Variants in STAT5B observed in about 807,000 individuals in gnomAD.
STAT5B encodes the protein transcription factor STAT5B.
In STAT5B, 21 loss-of-function variants were observed where a neutral mutation model predicts 107.8. That is an observed-to-expected ratio of 0.19 (90% CI 0.14 to 0.28). The LOEUF (loss-of-function observed/expected upper bound fraction) is 0.28, where lower values mean the gene tolerates loss of function less well. Among genes scored for constraint, STAT5B ranks in the 10% least tolerant of loss-of-function variants. STAT5B has a pLI of 1.00. For synonymous variants in STAT5B, 325 were observed against 401.7 expected, an observed-to-expected ratio of 0.81 and a Z score of 2.28; for missense variants, 565 against 1,008.2, an observed-to-expected ratio of 0.56 and a Z score of 5.95.
intron 5 of STAT5B, among the ~76,000 whole-genome samples, 195 bp downstream of exon 5, chr17:42,223,187 C>T (rs7209095): frequency 1.3e-5 from 2 of 149,418 alleles, no homozygotes; most frequent in African/African-American, 2.6e-5. Context: ...TGCACTTAAG[C>T]GGGGGGTCCT....
the STAT5B span, among the ~76,000 whole-genome samples, chr17:42,286,277 T>A: frequency 1.4e-5 from 2 of 139,044 alleles, no homozygotes; most frequent in Non-Finnish European, 3.1e-5. Flanking sequence ...AAATGTGCAA[T>A]GAAAGACACA....
chr17:42,239,995 A>C (rs2080389339), intron 1 of STAT5B, among the ~76,000 whole-genome samples: 1 of 152,136 alleles, frequency 6.6e-6, no homozygotes, highest in Admixed American at 6.6e-5. Flanking sequence ...TGAGCCGGGC[A>C]CGGTGGCGGG....
At chr17:42,278,205 T>C (rs1598348241), upstream of STAT5B, among the ~76,000 whole-genome samples, 2 of 152,316 alleles carry the variant, frequency 1.3e-5, no homozygotes, top group East Asian at 3.9e-4. Flanking sequence ...TATTCATGCC[T>C]CTATTACAGC....
chr17:42,271,039 T>C (rs1567680318), intron 1 of STAT5B: 1 of 152,254 alleles, frequency 6.6e-6, no homozygotes, highest in Non-Finnish European at 1.5e-5. Flanking sequence ...GACTTGTTAA[T>C]TGTCTGCTCA....
At chr17:42,250,774 A>C (rs1313789160) in intron 1 of STAT5B, among the ~76,000 whole-genome samples, 1 of 151,984 alleles carries the variant, frequency 6.6e-6, no homozygotes, top group African/African-American at 2.4e-5. Flanking sequence ...AATACAAAAA[A>C]TTAGCCAGGC....
Position 42,202,823 on chromosome 17 carries a change from A to C in STAT5B, c.2078-15T>G. 3 of 1,614,236 alleles carry C rather than the reference A, an allele frequency of 1.9e-6. No homozygotes were observed. Among genetic ancestry groups the C allele is most frequent in the Non-Finnish European group, 1.7e-6 (2 of 1,180,050 alleles). ...AACAGCTTTAGCTGCCAAGGGAAGA[A>C]TGTAGTAAATCAAAGTTCTCAAGTG... is the stretch of plus-strand genomic sequence containing the variant. On this transcript the variant is annotated splice_polypyrimidine_tract_variant and intron_variant, in intron 16 of 18. Coordinates refer to ENST00000293328, the MANE Select transcript of STAT5B (RefSeq NM_012448.4).
chr17:42,224,410 G>A (rs564826375), intron 4 of STAT5B, among the ~76,000 whole-genome samples: 1 of 151,840 alleles, frequency 6.6e-6, no homozygotes, highest in Admixed American at 6.6e-5. Flanking sequence ...TGCGATCATG[G>A]CTCACTGCAG....
chr17:42,282,524 A>G, the STAT5B span, among the ~76,000 whole-genome samples: 1 of 152,186 alleles, frequency 6.6e-6, no homozygotes, highest in Admixed American at 6.5e-5. Flanking sequence ...AGGTTTCACC[A>G]TGCTGAGTCT....
intron 1 of STAT5B, among the ~76,000 whole-genome samples, chr17:42,264,782 C>T: frequency 7.2e-6 from 1 of 138,974 alleles, no homozygotes; most frequent in African/African-American, 2.7e-5. Flanking sequence ...GGAATCGCCA[C>T]ACTGACTTCC....
intron 1 of STAT5B, among the ~76,000 whole-genome samples, chr17:42,260,334 G>A (rs2080583956): frequency 6.6e-6 from 1 of 152,146 alleles, no homozygotes; most frequent in Non-Finnish European, 1.5e-5. Context: ...ATAACTGTAA[G>A]ATACACACCA....
At chr17:42,262,962 GTGTGTGTGTATATATATATA>G (rs1183101753) in intron 1 of STAT5B, among the ~76,000 whole-genome samples, 4 of 51,654 alleles carry the variant, frequency 7.7e-5, no homozygotes, top group African/African-American at 3.8e-4. Context: ...GTGTGTGTGT[GTGTGTGTGTATATATATATA>G]TATATATATA....
intron 1 of STAT5B, among the ~76,000 whole-genome samples, chr17:42,237,838 A>T (rs1365621401): frequency 3.3e-5 from 5 of 152,150 alleles, no homozygotes; most frequent in Non-Finnish European, 7.3e-5. Context: ...AATGGGAATA[A>T]TAATACTTAT....
intron 1 of STAT5B, among the ~76,000 whole-genome samples, chr17:42,253,684 A>G (rs1481750533): frequency 6.6e-6 from 1 of 152,056 alleles, no homozygotes; most frequent in East Asian, 1.9e-4. Flanking sequence ...GATGATGATG[A>G]TTATTTTTAG....
rs750676055 is a variant in STAT5B at position 42,200,952 on chromosome 17, A to G, written c.*786T>C. On this transcript the variant is annotated 3_prime_UTR_variant, in exon 19 of 19. Coordinates refer to ENST00000293328, the MANE Select transcript of STAT5B (RefSeq NM_012448.4). ...AACGGCATTGGCACTGTAAGCTCTC[A>G]GTTACGTGGCCCTCTTTTCTCTCCT... The G allele has an allele frequency of 1.0e-5, 4 of 397,842 alleles. No homozygotes were observed. The highest frequency in any genetic ancestry group is 1.8e-5 in the Non-Finnish European group (4 of 226,138). The allele number at this position is 397,842 out of a possible 1,614,324, so 24.6% of individuals were successfully genotyped here.
intron 5 of STAT5B, among the ~76,000 whole-genome samples, chr17:42,221,706 A>G (rs1011589587): frequency 1.3e-5 from 2 of 152,246 alleles, no homozygotes; most frequent in African/African-American, 4.8e-5. Context: ...AAGACAGGCT[A>G]GAATCATCCT....
At chr17:42,260,111 C>T (rs984307305) in intron 1 of STAT5B, among the ~76,000 whole-genome samples, 3 of 152,130 alleles carry the variant, frequency 2.0e-5, no homozygotes, top group African/African-American at 2.4e-5. Context: ...GTAGCTAGTG[C>T]GACTGGGGAA....
At chr17:42,282,490 A>AT in the STAT5B span, among the ~76,000 whole-genome samples, 1 of 151,920 alleles carries the variant, frequency 6.6e-6, no homozygotes, top group Non-Finnish European at 1.5e-5. Context: ...CACCTGGCTA[A>AT]TTTTTTTATT....
chr17:42,216,623 C>T (rs903338553), intron 11 of STAT5B, among the ~76,000 whole-genome samples: 5 of 151,754 alleles, frequency 3.3e-5, no homozygotes, highest in African/African-American at 1.2e-4. Flanking sequence ...AGCAATCCTC[C>T]TGCCTTGGCC....
At chr17:42,213,360 C>T (rs938616926) in intron 12 of STAT5B, among the ~76,000 whole-genome samples, 2 of 152,028 alleles carry the variant, frequency 1.3e-5, no homozygotes, top group African/African-American at 2.4e-5. Context: ...GCGTGCACCA[C>T]CATGCCTGGC....
Sources: gnomAD v4.1 joint callset for allele counts (sites outside exome capture counted in the v4.1 genomes callset) on GRCh38, gnomAD v4.1.1 for gene constraint, MANE v1.5 for transcripts, NCBI Gene and HGNC (gene_info 2026-07-23, HGNC 2026-07-21) for gene names.